Variants in FRMPD1 observed in about 807,000 individuals in gnomAD.
FRMPD1 encodes FERM and PDZ domain containing 1, also known as FERM and PDZ domain-containing protein 1.
Under a neutral mutation model 117.8 loss-of-function variants are expected in FRMPD1, and 76 were observed. The ratio of observed to expected loss-of-function variants is 0.65; its 90% CI spans 0.54 to 0.78. FRMPD1 has a LOEUF of 0.78. FRMPD1 is among the 30% of genes least tolerant of loss of function. The pLI is 0.00. For synonymous variants in FRMPD1, 783 were observed against 770.4 expected, an observed-to-expected ratio of 1.02 and a Z score of -0.27; for missense variants, 1,786 against 1,964.5, an observed-to-expected ratio of 0.91 and a Z score of 1.72.
chr9:37,725,856 G>A (rs1022851288), intron 7 of FRMPD1, among the ~76,000 whole-genome samples: 2 of 152,212 alleles, frequency 1.3e-5, no homozygotes, highest in African/African-American at 4.8e-5. Context: ...TTTGAATCCT[G>A]TGCTGGAATC....
At chr9:37,633,191 C>T in the FRMPD1 span, among the ~76,000 whole-genome samples, 2 of 151,938 alleles carry the variant, frequency 1.3e-5, no homozygotes, top group Non-Finnish European at 2.9e-5. Flanking sequence ...AGGCACCTGC[C>T]ACCACACCTG....
At chr9:37,641,049 A>G in the FRMPD1 span, among the ~76,000 whole-genome samples, 3 of 152,144 alleles carry the variant, frequency 2.0e-5, no homozygotes, top group Non-Finnish European at 4.4e-5. Context: ...CACCAGGCCT[A>G]GCTTGCTTTT....
At chr9:37,662,539 C>T (rs891378845) in intron 1 of FRMPD1, among the ~76,000 whole-genome samples, 11 of 152,306 alleles carry the variant, frequency 7.2e-5, no homozygotes, top group African/African-American at 1.7e-4. Context: ...GCTGAGGGAT[C>T]GGAACCAGAA....
intron 1 of FRMPD1, among the ~76,000 whole-genome samples, chr9:37,658,578 G>A (rs1820907466): frequency 6.6e-6 from 1 of 152,144 alleles, no homozygotes; most frequent in Non-Finnish European, 1.5e-5. Flanking sequence ...GAGTCTCTAA[G>A]GGGAATCCTT....
the FRMPD1 span, among the ~76,000 whole-genome samples, chr9:37,637,544 C>T: frequency 6.6e-6 from 1 of 152,190 alleles, no homozygotes; most frequent in East Asian, 1.9e-4. Context: ...CCCCTAACCC[C>T]TACACTCTGG....
At position 37,737,295 on chromosome 9, in the gene FRMPD1, G is replaced by C. The variant is rs1824182635; in HGVS notation, c.1549+52G>C. On this transcript the variant is annotated intron_variant, in intron 14 of 15. Coordinates refer to ENST00000377765, the MANE Select transcript of FRMPD1 (RefSeq NM_014907.3). The stretch of plus-strand genomic sequence containing the variant: ...AGGACAGGCCCCTTTCACTGGCCTT[G>C]TAGGTAAGGGCAGCCTAAAGGGAGG... 2.6e-6 allele frequency: 4 copies of C among 1,557,866 alleles called. No individual in the cohort carries two copies. In the East Asian group the frequency reaches 9.0e-5, roughly 35 times the overall value.
the FRMPD1 span, among the ~76,000 whole-genome samples, chr9:37,606,840 T>C: frequency 6.6e-6 from 1 of 151,942 alleles, no homozygotes; most frequent in African/African-American, 2.4e-5. Context: ...GAGGCTGGAG[T>C]AGGAGTGTCT....
chr9:37,740,233 G>T lies in FRMPD1; in HGVS notation c.1705G>T (p.Ala569Ser). 6.2e-7 allele frequency: 1 copy of T among 1,613,990 alleles called. No homozygotes were observed. Among genetic ancestry groups the T allele is most frequent in the Non-Finnish European group, 8.5e-7 (1 of 1,179,994 alleles). ...PPGNSPTPEV[A>S]RRGPSTCGAS... ...TGGGAACAGCCCCACACCTGAGGTGGCTAGGAGGGGCCCCAGCACCTGCGG... is the reference window on the plus strand; with the variant it reads ...TGGGAACAGCCCCACACCTGAGGTGTCTAGGAGGGGCCCCAGCACCTGCGG... The change falls in exon 15 of 16, where the codon GCT (alanine) becomes TCT (serine). Residue 569 changes from alanine to serine, a missense_variant. Transcript: ENST00000377765. The surrounding 1 kb of genome is among the most constrained non-coding windows in gnomAD (Gnocchi z 4.2).
chr9:37,729,884 G>T (rs201739820), intron 8 of FRMPD1, 31 bp downstream of exon 8: 27 of 1,607,610 alleles, frequency 1.7e-5, no homozygotes, highest in Non-Finnish European at 2.2e-5. Flanking sequence ...GTTCCTGGGA[G>T]GCATGGGCTG....
chr9:37,722,763 T>G (rs1323428374), intron 6 of FRMPD1, among the ~76,000 whole-genome samples: 1 of 92,758 alleles, frequency 1.1e-5, no homozygotes, highest in Non-Finnish European at 2.5e-5. Context: ...AATCACTTCT[T>G]TTTTTTTTCT....
intron 2 of FRMPD1, among the ~76,000 whole-genome samples, chr9:37,703,565 C>G (rs1822603491): frequency 1.3e-5 from 2 of 152,146 alleles, no homozygotes; most frequent in Non-Finnish European, 2.9e-5. Flanking sequence ...ACAATTCCCC[C>G]ATTTGAAGTG....
At chr9:37,685,818 C>T (rs958288865) in intron 1 of FRMPD1, among the ~76,000 whole-genome samples, 1 of 152,192 alleles carries the variant, frequency 6.6e-6, no homozygotes, top group African/African-American at 2.4e-5. Context: ...TTCAATTTAG[C>T]GCAAGTGATT....
intron 11 of FRMPD1, 65 bp from the exon 12 acceptor site, chr9:37,733,665 A>G (rs2118410162): frequency 6.2e-7 from 1 of 1,601,058 alleles, no homozygotes; most frequent in Middle Eastern, 1.7e-4. Flanking sequence ...AAACATTTTC[A>G]ACACTGCCTG....
chr9:37,663,580 G>A (rs891764638), intron 1 of FRMPD1, among the ~76,000 whole-genome samples: 1 of 152,178 alleles, frequency 6.6e-6, no homozygotes, highest in Non-Finnish European at 1.5e-5. Flanking sequence ...CCATCTACCA[G>A]TAAAACTCCT....
intron 1 of FRMPD1, among the ~76,000 whole-genome samples, chr9:37,666,449 C>A (rs927754631): frequency 7.2e-5 from 11 of 152,166 alleles, no homozygotes; most frequent in Non-Finnish European, 1.2e-4. Context: ...TCATCGTCTT[C>A]ATGCTAAGCT....
At chr9:37,731,302 GA>G (rs1298162915) in intron 9 of FRMPD1, among the ~76,000 whole-genome samples, 199 bp downstream of exon 9, 2 of 152,216 alleles carry the variant, frequency 1.3e-5, no homozygotes, top group African/African-American at 4.8e-5. Context: ...TGCGATATCA[GA>G]ATGAAATTCA....
chr9:37,609,597 C>T, the FRMPD1 span, among the ~76,000 whole-genome samples: 2 of 152,336 alleles, frequency 1.3e-5, no homozygotes, highest in South Asian at 2.1e-4. Context: ...AACCACCATC[C>T]TCTTTCACCC....
At chr9:37,637,189 C>G in the FRMPD1 span, 6 of 1,610,046 alleles carry the variant, frequency 3.7e-6, no homozygotes, top group African/African-American at 8.0e-5. Context: ...TGATGTAGCT[C>G]TCTGTGTAAG....
At chr9:37,659,897 AGTT>A (rs1820945499) in intron 1 of FRMPD1, among the ~76,000 whole-genome samples, 1 of 139,620 alleles carries the variant, frequency 7.2e-6, no homozygotes, top group Admixed American at 7.4e-5. Context: ...CTTTGTTTGC[AGTT>A]GACTTTTCAA....
Sources: allele counts gnomAD v4.1 joint callset (sites outside exome capture counted in the v4.1 genomes callset), GRCh38; gene constraint gnomAD v4.1.1; non-coding constraint Gnocchi (gnomAD v3.1); transcripts MANE v1.5; gene names NCBI Gene and HGNC (gene_info 2026-07-23, HGNC 2026-07-21).